CFAP61: variants seen among roughly 807,000 people sequenced by gnomAD.
CFAP61 encodes cilia- and flagella-associated protein 61.
In CFAP61, 107 loss-of-function variants were observed where a neutral mutation model predicts 135.6. The ratio of observed to expected loss-of-function variants is 0.79; its 90% CI spans 0.67 to 0.93. The LOEUF (loss-of-function observed/expected upper bound fraction) is 0.93. CFAP61 is among the 40% of genes least tolerant of loss of function. The pLI is 0.00. For missense variants in CFAP61, 1,507 were observed against 1,556.2 expected, an observed-to-expected ratio of 0.97 and a Z score of 0.53; for synonymous variants, 575 against 578.5, an observed-to-expected ratio of 0.99 and a Z score of 0.09.
chr20:20,310,314 C>G (rs1195725127), intron 25 of CFAP61, among the ~76,000 whole-genome samples: 3 of 152,182 alleles, frequency 2.0e-5, no homozygotes, highest in Non-Finnish European at 2.9e-5. Context: ...CCTACTGCAG[C>G]TTTTGTGTAT....
intron 25 of CFAP61, among the ~76,000 whole-genome samples, chr20:20,308,072 T>C (rs1410529997): frequency 2.6e-5 from 4 of 152,232 alleles, no homozygotes; most frequent in Admixed American, 1.3e-4. Context: ...ACTCTAGACC[T>C]GCACTGTCCA....
intron 11 of CFAP61, among the ~76,000 whole-genome samples, chr20:20,164,485 A>G (rs1456607135): frequency 6.6e-6 from 1 of 152,220 alleles, no homozygotes; most frequent in Non-Finnish European, 1.5e-5. Flanking sequence ...TATCACTTAC[A>G]TAACCACATG....
chr20:20,303,003 T>A (rs2056202186), intron 25 of CFAP61, among the ~76,000 whole-genome samples: 1 of 152,234 alleles, frequency 6.6e-6, no homozygotes, highest in Middle Eastern at 3.2e-3. Flanking sequence ...CTTTGTAGGC[T>A]TGGCTCCAAT....
chr20:20,252,789 TG>T (rs1251318546), intron 20 of CFAP61, among the ~76,000 whole-genome samples: 2 of 152,224 alleles, frequency 1.3e-5, no homozygotes, highest in Non-Finnish European at 2.9e-5. Flanking sequence ...TCCACCTGGG[TG>T]TTGCCACAGA....
At position 20,153,259 on chromosome 20, in the gene CFAP61, A is replaced by G. The variant is rs568811808; in HGVS notation, c.952-6111A>G. On this transcript the variant is annotated intron_variant, in intron 9 of 26. Coordinates refer to ENST00000245957, the MANE Select transcript of CFAP61 (RefSeq NM_015585.4). ...AAAGTTCATGGCATTAAATGCCTAC[A>G]TCGAAAAGTCTGAAAGAGCACAGAT... is the stretch of plus-strand genomic sequence containing the variant. Among the ~76,000 whole-genome samples the G allele has an allele frequency of 5.3e-5, 8 of 152,318 alleles. No homozygotes were observed. The East Asian group carries it at 7.7e-4, about 15-fold the overall frequency.
intron 25 of CFAP61, among the ~76,000 whole-genome samples, chr20:20,333,967 C>T (rs2058088037): frequency 6.6e-6 from 1 of 152,120 alleles, no homozygotes; most frequent in Non-Finnish European, 1.5e-5. Context: ...GGGTGTTCAG[C>T]TCACAGACAA....
At chr20:20,137,867 A>C (rs6136950) in intron 8 of CFAP61, among the ~76,000 whole-genome samples, 27,031 of 152,090 alleles carry the variant, frequency 0.18, 2,558 homozygotes, top group East Asian at 0.21. Flanking sequence ...GTCACACCTG[A>C]AGTCAGCACA....
intron 26 of CFAP61, among the ~76,000 whole-genome samples, chr20:20,351,978 GA>G (rs1373334558): frequency 6.6e-6 from 1 of 152,016 alleles, no homozygotes; most frequent in African/African-American, 2.4e-5. Flanking sequence ...AACACTACCT[GA>G]TTTCAAAATA....
intron 20 of CFAP61, among the ~76,000 whole-genome samples, chr20:20,256,343 C>A: frequency 6.6e-6 from 1 of 151,548 alleles, no homozygotes; most frequent in East Asian, 1.9e-4. Flanking sequence ...GAGAACAATA[C>A]AATATTTGGA....
At chr20:20,323,081 G>T (rs1408506693) in intron 25 of CFAP61, 3 of 985,286 alleles carry the variant, frequency 3.0e-6, no homozygotes, top group Non-Finnish European at 3.6e-6. Flanking sequence ...CTGCCCTGGG[G>T]CCTAGCCCCA....
intron 25 of CFAP61, among the ~76,000 whole-genome samples, chr20:20,299,325 G>T (rs1186729421): frequency 6.6e-6 from 1 of 152,186 alleles, no homozygotes; most frequent in Non-Finnish European, 1.5e-5. Flanking sequence ...CTTCGTGGAG[G>T]TAGCCACTGT....
chr20:20,146,460 T>C (rs1396782653), intron 9 of CFAP61, among the ~76,000 whole-genome samples: 1 of 152,298 alleles, frequency 6.6e-6, no homozygotes. Flanking sequence ...TGGAAGAAAA[T>C]ACCCCTTTTC....
At chr20:20,066,035 TC>T (rs2146553845) in intron 2 of CFAP61, among the ~76,000 whole-genome samples, 1 of 152,320 alleles carries the variant, frequency 6.6e-6, no homozygotes, top group Admixed American at 6.5e-5. Flanking sequence ...CAGACACTTC[TC>T]AAAAGAAGAC....
chr20:20,179,115 A>G (rs2054856780), intron 13 of CFAP61, among the ~76,000 whole-genome samples: 1 of 152,150 alleles, frequency 6.6e-6, no homozygotes, highest in Admixed American at 6.5e-5. Context: ...ACATGATCCC[A>G]TGTCTTGAAA....
At chr20:20,350,500 A>T (rs1425574361) in intron 26 of CFAP61, among the ~76,000 whole-genome samples, 3 of 152,118 alleles carry the variant, frequency 2.0e-5, no homozygotes, top group African/African-American at 7.2e-5. Flanking sequence ...GTGATAGTGC[A>T]CACCAGTAGT....
intron 6 of CFAP61, among the ~76,000 whole-genome samples, chr20:20,078,100 A>G (rs528834841): frequency 1.3e-5 from 2 of 152,336 alleles, no homozygotes; most frequent in East Asian, 1.9e-4. Flanking sequence ...TCATGTTTGT[A>G]TCTTATTCCT....
chr20:20,235,375 A>C (rs1445163968), intron 18 of CFAP61, among the ~76,000 whole-genome samples: 2 of 152,034 alleles, frequency 1.3e-5, no homozygotes, highest in Non-Finnish European at 2.9e-5. Flanking sequence ...GAACTGTTAG[A>C]AATGCAGATT....
At position 20,288,803 on chromosome 20, in the gene CFAP61, C is replaced by T. The variant is rs1365392481; in HGVS notation, c.2991C>T (p.Phe997=). ...YYSNEWTHSN[F]SSKEIGFQLA... ...CAAATGAGTGGACTCACAGCAACTT[C>T]AGTTCCAAAGAAATTGGCTTTCAGC... The change falls in exon 23 of 27, where the codon TTC becomes TTT. Residue 997 remains phenylalanine, a synonymous_variant. Transcript: ENST00000245957. 1 of 1,614,224 alleles carries T rather than the reference C, an allele frequency of 6.2e-7. No individual in the cohort carries two copies. Among genetic ancestry groups the T allele is most frequent in the African/African-American group, 1.3e-5 (1 of 75,052 alleles).
chr20:20,225,580 C>G (rs576356276), intron 17 of CFAP61: 15 of 152,280 alleles, frequency 9.9e-5, no homozygotes, highest in Admixed American at 6.5e-4. Context: ...GGAGCTGTTT[C>G]ATAAATGAGG....
Sources: gnomAD v4.1 joint callset for allele counts (sites outside exome capture counted in the v4.1 genomes callset) on GRCh38, gnomAD v4.1.1 for gene constraint, MANE v1.5 for transcripts, NCBI Gene and HGNC (gene_info 2026-07-23, HGNC 2026-07-21) for gene names.